ANKRD44: variants seen among roughly 807,000 people sequenced by gnomAD.
ANKRD44 encodes serine/threonine-protein phosphatase 6 regulatory ankyrin repeat subunit B.
In ANKRD44, 35 loss-of-function variants were observed where a neutral mutation model predicts 116.0. That is an observed-to-expected ratio of 0.30 (90% CI 0.23 to 0.40). The LOEUF (loss-of-function observed/expected upper bound fraction) is 0.40. Among genes scored for constraint, ANKRD44 ranks in the 10% least tolerant of loss-of-function variants. The pLI is 1.00. For missense variants in ANKRD44, 1,014 were observed against 1,242.6 expected (o/e 0.82, Z 2.77); for synonymous variants, 435 against 461.8 (o/e 0.94, Z 0.74).
intron 16 of ANKRD44, among the ~76,000 whole-genome samples, chr2:197,038,350 A>T (rs2076845334): frequency 1.3e-5 from 2 of 152,242 alleles, no homozygotes; most frequent in African/African-American, 4.8e-5. Flanking sequence ...TCTTATAATA[A>T]CAAAAACACC....
At chr2:197,259,524 C>T (rs1458237314) in intron 1 of ANKRD44, among the ~76,000 whole-genome samples, 1 of 152,196 alleles carries the variant, frequency 6.6e-6, no homozygotes, top group Admixed American at 6.5e-5. Context: ...AATCTCTTTC[C>T]CTTCTGCATC....
intron 16 of ANKRD44, among the ~76,000 whole-genome samples, chr2:197,033,286 G>C (rs536280537): frequency 3.3e-5 from 5 of 152,210 alleles, no homozygotes; most frequent in South Asian, 4.1e-4. Context: ...GAGTGAAATG[G>C]TGATGATGAT....
rs117237555 is a variant in ANKRD44 at position 196,968,676 on chromosome 2, T to C, written c.2369-1230A>G. ...ACATACCTCATTTATCTGGGACTTG[T>C]ACATGGACATCATCCTTTGGACTCT... On this transcript the variant is annotated intron_variant, in intron 21 of 21. Transcript: ENST00000424317. Among the ~76,000 whole-genome samples the C allele has an allele frequency of 3.0e-3, 459 of 152,318 alleles. 14 individuals carry two copies. The East Asian group carries it at 0.049, about 16-fold the overall frequency.
chr2:197,133,136 T>A (rs191718518), intron 4 of ANKRD44, among the ~76,000 whole-genome samples: 2 of 152,240 alleles, frequency 1.3e-5, no homozygotes, highest in African/African-American at 4.8e-5. Flanking sequence ...GATCACCACG[T>A]TGGCAAGGGG....
At chr2:197,173,648 AG>A (rs1574199661) in intron 2 of ANKRD44, among the ~76,000 whole-genome samples, 1 of 152,202 alleles carries the variant, frequency 6.6e-6, no homozygotes, top group South Asian at 2.1e-4. Flanking sequence ...TCTATTTTTA[AG>A]GTACCGAGAA....
At chr2:197,256,958 C>G (rs62279247) in intron 1 of ANKRD44, among the ~76,000 whole-genome samples, 1 of 151,998 alleles carries the variant, frequency 6.6e-6, no homozygotes, top group South Asian at 2.1e-4. Flanking sequence ...TGTATTCATG[C>G]TTTGGGTGCC....
At chr2:197,157,150 AAC>A (rs1402028617) in intron 2 of ANKRD44, among the ~76,000 whole-genome samples, 3 of 149,948 alleles carry the variant, frequency 2.0e-5, no homozygotes, top group Admixed American at 6.8e-5. Flanking sequence ...AGGCAAATAA[AAC>A]ACATTCTCAC....
intron 1 of ANKRD44, among the ~76,000 whole-genome samples, chr2:197,297,501 T>C (rs2083758112): frequency 6.6e-6 from 1 of 152,220 alleles, no homozygotes; most frequent in Admixed American, 6.5e-5. Flanking sequence ...AAGGACCACC[T>C]GCTATACAAA....
At chr2:197,145,229 T>C (rs2079468370) in intron 3 of ANKRD44, among the ~76,000 whole-genome samples, 1 of 152,046 alleles carries the variant, frequency 6.6e-6, no homozygotes, top group Non-Finnish European at 1.5e-5. Flanking sequence ...AGGCAGAGGT[T>C]GCAGTGAGCT....
intron 3 of ANKRD44, among the ~76,000 whole-genome samples, chr2:197,141,560 G>A (rs1485977852): frequency 2.0e-5 from 3 of 152,076 alleles, no homozygotes; most frequent in East Asian, 1.9e-4. Flanking sequence ...ACCCACACCC[G>A]GGGTGTAACG....
At chr2:197,170,891 T>G (rs1881398) in intron 2 of ANKRD44, among the ~76,000 whole-genome samples, 24,794 of 152,046 alleles carry the variant, frequency 0.16, 2,191 homozygotes, top group Middle Eastern at 0.2. Context: ...CCCTAGTTGA[T>G]GGGGCCGGGG....
At chr2:197,159,322 G>A (rs1022276660) in intron 2 of ANKRD44, among the ~76,000 whole-genome samples, 10 of 152,150 alleles carry the variant, frequency 6.6e-5, no homozygotes, top group East Asian at 5.8e-4. Context: ...TTTTCTGGCC[G>A]AAGATATCAG....
intron 13 of ANKRD44, 24 bp from the exon 14 acceptor site, chr2:197,083,533 T>C: frequency 6.2e-7 from 1 of 1,605,422 alleles, no homozygotes. Flanking sequence ...AGCAATTTAT[T>C]ACTCCATTCA....
chr2:196,986,894 A>T lies in ANKRD44; in HGVS notation c.*2697T>A. The T allele has an allele frequency of 1.0e-6, 1 of 985,412 alleles. No homozygotes were observed. Among genetic ancestry groups the T allele is most frequent in the Non-Finnish European group, 1.2e-6 (1 of 829,886 alleles). The allele number at this position is 985,412 out of a possible 1,614,324, so 61.0% of individuals were successfully genotyped here. A position where few individuals can be genotyped will look rare whatever the true frequency, so the allele number is the denominator to read the frequency against. ...CCAGAGTCATTCAACTCCAATTTAC[A>T]TAAGAAAACATTATAGACAAAATCC... is the stretch of plus-strand genomic sequence containing the variant. On this transcript the variant is annotated 3_prime_UTR_variant, in exon 28 of 28. Coordinates refer to ENST00000282272, the MANE Select transcript of ANKRD44 (RefSeq NM_001195144.2).
Position 196,986,959 on chromosome 2 carries a change from A to G in ANKRD44, c.*2632T>C. On this transcript the variant is annotated 3_prime_UTR_variant, in exon 28 of 28. Coordinates refer to ENST00000282272, the MANE Select transcript of ANKRD44 (RefSeq NM_001195144.2). The stretch of plus-strand genomic sequence containing the variant: ...AACAATATTTTATGCTGTTACAAAT[A>G]TGTTATGCAAAATATAACACTGGCA... 2.0e-6 allele frequency: 2 copies of G among 985,476 alleles called. No homozygotes were observed. Among genetic ancestry groups the G allele is most frequent in the Non-Finnish European group, 2.4e-6 (2 of 829,920 alleles). 61.0% of individuals were successfully genotyped at this position (985,476 alleles called of 1,614,324 possible).
intron 16 of ANKRD44, among the ~76,000 whole-genome samples, chr2:197,047,958 A>G (rs1157483410): frequency 6.6e-6 from 1 of 152,122 alleles, no homozygotes; most frequent in Non-Finnish European, 1.5e-5. Context: ...ACCTATAACA[A>G]ATGCCCTCTG....
At chr2:197,034,093 C>T (rs2076763623) in intron 16 of ANKRD44, among the ~76,000 whole-genome samples, 1 of 33,270 alleles carries the variant, frequency 3.0e-5, no homozygotes, top group South Asian at 1.3e-3. Context: ...AGAGCTCATA[C>T]TATGCCTTGC....
chr2:197,232,867 AT>A lies in ANKRD44; in HGVS notation c.28-45762del, dbSNP rs1385932538. 2.0e-5 allele frequency among the ~76,000 whole-genome samples: 3 copies of A among 152,374 alleles called. No homozygotes were observed. In the East Asian group the frequency reaches 5.8e-4, roughly 29 times the overall value. Reference sequence around the variant, plus strand: ...AGCATACCAAGAAGAGATGGAAGGCATTGATACATGCATGATAATCAAAACA... The same window carrying A: ...AGCATACCAAGAAGAGATGGAAGGCATGATACATGCATGATAATCAAAACA... On this transcript the variant is annotated intron_variant, in intron 1 of 27. Coordinates refer to ENST00000282272, the MANE Select transcript of ANKRD44 (RefSeq NM_001195144.2).
chr2:197,277,520 T>A (rs918729933), intron 1 of ANKRD44, among the ~76,000 whole-genome samples: 1 of 152,110 alleles, frequency 6.6e-6, no homozygotes, highest in Non-Finnish European at 1.5e-5. Context: ...TTACATACAT[T>A]ATCTCCATCC....
Sources: gnomAD v4.1 joint callset for allele counts (sites outside exome capture counted in the v4.1 genomes callset) on GRCh38, gnomAD v4.1.1 for gene constraint, MANE v1.5 for transcripts, NCBI Gene and HGNC (gene_info 2026-07-23, HGNC 2026-07-21) for gene names.